The following AVEN variants were observed in gnomAD, a reference collection of about 807,000 sequenced individuals.
AVEN encodes cell death regulator Aven.
Under a neutral mutation model 38.1 loss-of-function variants are expected in AVEN, and 41 were observed. That is an observed-to-expected ratio of 1.08 (90% CI 0.84 to 1.40). The LOEUF is 1.40. Ranked by LOEUF, AVEN falls within the 40% of genes most tolerant of loss-of-function variation. AVEN has a pLI of 0.00. For synonymous variants in AVEN, 206 were observed against 171.8 expected, an observed-to-expected ratio of 1.20 and a Z score of -1.56; for missense variants, 605 against 438.8, an observed-to-expected ratio of 1.38 and a Z score of -3.38.
Position 33,986,106 on chromosome 15 carries a change from TTTTTG to T in AVEN, c.445+16921_445+16925del, listed in dbSNP as rs202193871. 9.5e-4 allele frequency among the ~76,000 whole-genome samples: 143 copies of T among 150,734 alleles called. 2 individuals carry two copies. The East Asian group carries it at 0.016, about 17-fold the overall frequency. On this transcript the variant is annotated intron_variant, in intron 2 of 5. Transcript: ENST00000306730. ...TTTCACTGTAAATTTTTTTTTTTGT[TTTTTG>T]TTTTTTGTTTTTTGAGATGGACTCT...
At chr15:34,043,179 A>G (rs562186131), upstream of AVEN, among the ~76,000 whole-genome samples, 8 of 151,340 alleles carry the variant, frequency 5.3e-5, no homozygotes, top group Non-Finnish European at 7.4e-5. Flanking sequence ...CCTGGGAGGC[A>G]GAGCTTGCAG....
intron 2 of AVEN, among the ~76,000 whole-genome samples, chr15:33,988,438 T>G (rs1314173967): frequency 6.6e-6 from 1 of 152,190 alleles, no homozygotes; most frequent in Non-Finnish European, 1.5e-5. Flanking sequence ...ATAGAGATAA[T>G]GAAACCTACC....
chr15:33,862,588 G>A (rs1567363093), downstream of AVEN, among the ~76,000 whole-genome samples: 1 of 152,114 alleles, frequency 6.6e-6, no homozygotes, highest in East Asian at 1.9e-4. Flanking sequence ...GTTTTTGCTG[G>A]GGGATGAGTT....
rs766752911 is a variant in AVEN at position 34,063,160 on chromosome 15, GCAT to G, written n.1396_1398del. On this transcript the variant is annotated non_coding_transcript_exon_variant, in exon 5 of 12. Coordinates refer to the AVEN transcript ENST00000675287. The surrounding 1 kb of genome is among the most constrained non-coding windows in gnomAD (Gnocchi z 4.1). ...GCCAAGCGTACTCCGAAAAGGGCTG[GCAT>G]CATGATTGGCTTGGCCTGGCTGATC... The G allele has an allele frequency of 1.9e-6, 3 of 1,614,168 alleles. No homozygotes were observed. Among genetic ancestry groups the G allele is most frequent in the Non-Finnish European group, 2.5e-6 (3 of 1,180,038 alleles).
At chr15:33,933,524 C>CACACACACACACACACACACACAGAG (rs1893945145) in intron 2 of AVEN, among the ~76,000 whole-genome samples, 1 of 46,650 alleles carries the variant, frequency 2.1e-5, no homozygotes, top group African/African-American at 7.1e-5. Flanking sequence ...CACACACACA[C>CACACACACACACACACACACACAGAG]AGAGAGAGAG....
At chr15:34,014,777 T>C (rs1482709761) in intron 1 of AVEN, among the ~76,000 whole-genome samples, 1 of 152,188 alleles carries the variant, frequency 6.6e-6, no homozygotes, top group Non-Finnish European at 1.5e-5. Flanking sequence ...AATTTGCAGC[T>C]AAGGCTGAAG....
chr15:34,049,348 A>C (rs556492155), intron 5 of AVEN, among the ~76,000 whole-genome samples: 1 of 152,366 alleles, frequency 6.6e-6, no homozygotes, highest in East Asian at 1.9e-4. Flanking sequence ...TAGCCAGTTT[A>C]GAGAGGAACA....
downstream of AVEN, among the ~76,000 whole-genome samples, chr15:33,857,620 C>T (rs944662297): frequency 6.6e-6 from 1 of 152,158 alleles, no homozygotes; most frequent in African/African-American, 2.4e-5. Flanking sequence ...TCCTCCTCTG[C>T]TCATGGCCTG....
intron 3 of AVEN, among the ~76,000 whole-genome samples, chr15:33,871,602 G>A (rs755322089): frequency 2.6e-5 from 4 of 152,096 alleles, no homozygotes; most frequent in East Asian, 3.9e-4. Context: ...ACCTGGAAAC[G>A]GTGGAGGCTT....
downstream of AVEN, chr15:33,865,091 G>A (rs772528465): frequency 1.3e-6 from 2 of 1,515,358 alleles, no homozygotes; most frequent in African/African-American, 2.8e-5. Context: ...AGCTTTTACT[G>A]TGGTTTAAAA....
rs75472230 is a variant in AVEN at position 33,961,775 on chromosome 15, T to C, written c.445+41257A>G. On this transcript the variant is annotated intron_variant, in intron 2 of 5. Coordinates refer to ENST00000306730, the MANE Select transcript of AVEN (RefSeq NM_020371.3). The stretch of plus-strand genomic sequence containing the variant: ...TTGCAGTGAGCCGAGATCGCGCCAC[T>C]GCACTCCAGCCTGGGCGACAGAGTG... Among the ~76,000 whole-genome samples the C allele has an allele frequency of 1.2e-3, 141 of 117,968 alleles. 3 individuals carry two copies. The East Asian group carries it at 0.031, about 26-fold the overall frequency. The allele number at this position is 117,968 out of a possible 152,430, so 77.4% of individuals were successfully genotyped here. A position where few individuals can be genotyped will look rare whatever the true frequency, so the allele number is the denominator to read the frequency against.
chr15:34,035,040 C>A (rs1361734401), intron 1 of AVEN, among the ~76,000 whole-genome samples: 4 of 152,174 alleles, frequency 2.6e-5, no homozygotes, highest in Admixed American at 2.6e-4. Flanking sequence ...GATCTGACAC[C>A]ATTTCTTCCC....
chr15:33,911,082 T>A (rs1892898994), intron 2 of AVEN, among the ~76,000 whole-genome samples: 1 of 152,142 alleles, frequency 6.6e-6, no homozygotes, highest in African/African-American at 2.4e-5. Flanking sequence ...CCCATTAAAA[T>A]ACCCTCTCAA....
At chr15:34,016,189 G>A (rs969004833) in intron 1 of AVEN, among the ~76,000 whole-genome samples, 31 of 152,260 alleles carry the variant, frequency 2.0e-4, no homozygotes, top group South Asian at 1.0e-3. Context: ...AGCCAAGATC[G>A]TGCCATTGCA....
At chr15:33,862,357 C>T (rs1489641046), downstream of AVEN, among the ~76,000 whole-genome samples, 1 of 134,636 alleles carries the variant, frequency 7.4e-6, no homozygotes, top group Non-Finnish European at 1.6e-5. Flanking sequence ...AGGTGTACCA[C>T]TAATTTAGCA....
intron 2 of AVEN, among the ~76,000 whole-genome samples, chr15:33,881,777 A>C (rs891342): frequency 6.6e-6 from 1 of 152,212 alleles, no homozygotes; most frequent in Non-Finnish European, 1.5e-5. Context: ...TAAGATAGCA[A>C]GGGGTATTCA....
intron 2 of AVEN, among the ~76,000 whole-genome samples, chr15:33,963,986 C>T (rs1895295633): frequency 1.3e-5 from 2 of 151,736 alleles, no homozygotes; most frequent in South Asian, 4.2e-4. Flanking sequence ...TAAAAGACTC[C>T]AGTCATTAGG....
chr15:34,029,028 C>T (rs941589171), intron 1 of AVEN, among the ~76,000 whole-genome samples: 2 of 152,006 alleles, frequency 1.3e-5, no homozygotes, highest in African/African-American at 4.8e-5. Flanking sequence ...ACTATTTGTC[C>T]ACAACTCTTC....
chr15:33,867,864 G>C lies in AVEN; in HGVS notation c.613-9C>G. On this transcript the variant is annotated splice_polypyrimidine_tract_variant and intron_variant, in intron 4 of 5. Transcript: ENST00000306730. ...TCTAAAGGAACTGTACCCTGAAAGA[G>C]AAGTATAAAAACTGAGTTAAAAATG... 3.2e-6 allele frequency: 5 copies of C among 1,553,134 alleles called. No individual in the cohort carries two copies. The highest frequency in any genetic ancestry group is 4.3e-6 in the Non-Finnish European group (5 of 1,155,590).
Sources: gnomAD v4.1 joint callset for allele counts (sites outside exome capture counted in the v4.1 genomes callset) on GRCh38, gnomAD v4.1.1 for gene constraint, Gnocchi (gnomAD v3.1) non-coding constraint, MANE v1.5 for transcripts, NCBI Gene and HGNC (gene_info 2026-07-23, HGNC 2026-07-21) for gene names.